Variants in RAB21 observed in about 807,000 individuals in gnomAD.
RAB21 encodes the protein RAB21, member RAS oncogene family.
RAB21 carries 13 observed loss-of-function variants against 33.1 expected under a neutral mutation model. The ratio of observed to expected loss-of-function variants is 0.39; its 90% CI spans 0.26 to 0.62. RAB21 has a LOEUF of 0.62. Ranked by LOEUF, RAB21 falls within the 20% of genes least tolerant of loss-of-function variation. The pLI, the probability that RAB21 is intolerant of heterozygous loss-of-function variation, is 0.48. For synonymous variants in RAB21, 91 were observed against 103.7 expected (o/e 0.88, Z 0.74); for missense variants, 234 against 279.1 (o/e 0.84, Z 1.15).
intron 3 of RAB21, 141 bp downstream of exon 3, chr12:71,770,840 C>A: frequency 1.7e-6 from 1 of 576,148 alleles, no homozygotes; most frequent in Non-Finnish European, 3.0e-6. Flanking sequence ...TGACCACTTA[C>A]ATTTTATTTT....
intron 4 of RAB21, among the ~76,000 whole-genome samples, chr12:71,777,604 A>G (rs1333686728): frequency 6.6e-6 from 1 of 152,246 alleles, no homozygotes; most frequent in Admixed American, 6.5e-5. Flanking sequence ...AATACTTGGC[A>G]TAGAGGTAAA....
chr12:71,756,128 T>A (rs1490605270), intron 1 of RAB21, among the ~76,000 whole-genome samples: 1 of 152,222 alleles, frequency 6.6e-6, no homozygotes, highest in African/African-American at 2.4e-5. Flanking sequence ...ATCCTACTAA[T>A]TTGACTTACC....
intron 4 of RAB21, chr12:71,774,322 A>G (rs1166069671): frequency 6.2e-6 from 1 of 160,790 alleles, no homozygotes. Flanking sequence ...AAAAAAAGCC[A>G]GACAGTGGTG....
intron 1 of RAB21, among the ~76,000 whole-genome samples, chr12:71,761,118 G>A (rs1177241101): frequency 1.3e-5 from 2 of 151,682 alleles, no homozygotes; most frequent in Non-Finnish European, 2.9e-5. Context: ...GAGGCTGGTG[G>A]ATCACTTGAG....
Position 71,770,807 on chromosome 12 carries a change from G to GTA in RAB21, c.327+113_327+114dup, listed in dbSNP as rs574182572. 1,048 of 755,908 alleles carry GTA rather than the reference G, an allele frequency of 1.4e-3. 12 individuals carry two copies. In the African/African-American group the frequency reaches 0.017, roughly 12 times the overall value. 46.8% of individuals were successfully genotyped at this position (755,908 alleles called of 1,614,324 possible). On this transcript the variant is annotated intron_variant, in intron 3 of 6. Transcript: ENST00000261263. ...GATTAGTTTTCTTTTTAAAAATAAA[G>GTA]TATATAATTTGTGCATAACTGGTGA...
At chr12:71,765,760 G>GT (rs1479505663) in intron 1 of RAB21, among the ~76,000 whole-genome samples, 2 of 152,082 alleles carry the variant, frequency 1.3e-5, no homozygotes, top group Non-Finnish European at 2.9e-5. Flanking sequence ...TCAGGTAAGT[G>GT]TAAGTATTTG....
Position 71,789,209 on chromosome 12 carries a change from A to G in RAB21, c.*3536A>G, listed in dbSNP as rs1262410848. On this transcript the variant is annotated 3_prime_UTR_variant, in exon 7 of 7. Coordinates refer to ENST00000261263, the MANE Select transcript of RAB21 (RefSeq NM_014999.4). ...AGTTTTTTAAATCACTTTGAAAAGT[A>G]CATTACTTTTATCAAAGAGTTTCTA... The G allele has an allele frequency of 6.6e-6, 1 of 152,128 alleles. No individual in the cohort carries two copies. The highest frequency in any genetic ancestry group is 2.1e-4 in the South Asian group (1 of 4,838). 9.4% of individuals were successfully genotyped at this position (152,128 alleles called of 1,614,324 possible).
rs2137665338 is a variant in RAB21 at position 71,791,645 on chromosome 12, A to G, written c.*5972A>G. On this transcript the variant is annotated 3_prime_UTR_variant, in exon 7 of 7. Transcript: ENST00000261263. ...TTGATCTGTGCCTTTAATATAGAGT[A>G]AAAACAAAAGTTCCTTTTTAGATCT... 1 of 152,342 alleles carries G rather than the reference A, an allele frequency of 6.6e-6. No homozygotes were observed. Among genetic ancestry groups the G allele is most frequent in the Non-Finnish European group, 1.5e-5 (1 of 68,030 alleles). The allele number at this position is 152,342 out of a possible 1,614,324, so 9.4% of individuals were successfully genotyped here.
At chr12:71,768,071 A>G (rs149784863) in intron 1 of RAB21, among the ~76,000 whole-genome samples, 296 of 152,252 alleles carry the variant, frequency 1.9e-3, no homozygotes, top group African/African-American at 6.8e-3. Flanking sequence ...TTTTCAGGTT[A>G]CTTTGCTGTT....
chr12:71,794,408 TA>T lies in RAB21; in HGVS notation c.*8736del, dbSNP rs1565901166. 6 of 33,224 alleles carry T rather than the reference TA, an allele frequency of 1.8e-4. No individual in the cohort carries two copies. Among genetic ancestry groups the T allele is most frequent in the Admixed American group, 4.2e-4 (1 of 2,362 alleles). The allele number at this position is 33,224 out of a possible 1,614,324, so 2.1% of individuals were successfully genotyped here. ...ACAAAACAAAACCATATATATATTA[TA>T]TATATATATATATATATATTTTTTT... On this transcript the variant is annotated 3_prime_UTR_variant, in exon 7 of 7. Transcript: ENST00000261263.
Position 71,780,429 on chromosome 12 carries a change from A to T in RAB21, c.392-1602A>T, listed in dbSNP as rs78588518. 4.9e-3 allele frequency among the ~76,000 whole-genome samples: 744 copies of T among 152,288 alleles called. 7 individuals are homozygous for T. Among genetic ancestry groups the T allele is most frequent in the African/African-American group, 0.017 (709 of 41,564 alleles). ...CCAGGTGGTGCTTTTTGCATTCTTT[A>T]CAGAATAACACGACGGTTTTTCCTC... On this transcript the variant is annotated intron_variant, in intron 4 of 6. Transcript: ENST00000261263.
chr12:71,768,350 T>A (rs537300588), intron 1 of RAB21, among the ~76,000 whole-genome samples: 22 of 152,306 alleles, frequency 1.4e-4, no homozygotes, highest in African/African-American at 4.8e-4. Context: ...TTCACCATCC[T>A]GACCTTTTAT....
chr12:71,774,861 G>T (rs1883097535), intron 4 of RAB21, among the ~76,000 whole-genome samples: 2 of 152,034 alleles, frequency 1.3e-5, no homozygotes, highest in South Asian at 4.1e-4. Flanking sequence ...AAACAGTTGG[G>T]GCTTCAAGTT....
chr12:71,766,940 CTT>C (rs564080860), intron 1 of RAB21, among the ~76,000 whole-genome samples: 32 of 152,264 alleles, frequency 2.1e-4, no homozygotes, highest in African/African-American at 7.2e-4. Flanking sequence ...GGCTTTGAGA[CTT>C]TTAATTGTAA....
intron 3 of RAB21, among the ~76,000 whole-genome samples, chr12:71,772,980 T>A (rs1883065984): frequency 6.6e-6 from 1 of 152,196 alleles, no homozygotes; most frequent in Non-Finnish European, 1.5e-5. Context: ...GCACAGTAAG[T>A]GGTTACCACA....
rs895547937 is a variant in RAB21 at position 71,795,406 on chromosome 12, A to G, written c.*9733A>G. 2.2e-5 allele frequency: 2 copies of G among 90,342 alleles called. No individual in the cohort carries two copies. The highest frequency in any genetic ancestry group is 1.2e-4 in the African/African-American group (2 of 17,332). The allele number at this position is 90,342 out of a possible 1,614,324, so 5.6% of individuals were successfully genotyped here. On this transcript the variant is annotated 3_prime_UTR_variant, in exon 7 of 7. Coordinates refer to ENST00000261263, the MANE Select transcript of RAB21 (RefSeq NM_014999.4). Reference sequence around the variant, plus strand: ...GAAATTTGGGAATGTCCCTAGCGTAATAATGCCTTCTACTGACATTTAAAG... The same window carrying G: ...GAAATTTGGGAATGTCCCTAGCGTAGTAATGCCTTCTACTGACATTTAAAG...
At position 71,790,714 on chromosome 12, in the gene RAB21, C is replaced by G. The variant is rs1002192317; in HGVS notation, c.*5041C>G. The G allele has an allele frequency of 3.3e-5, 5 of 152,018 alleles. No homozygotes were observed. Among genetic ancestry groups the G allele is most frequent in the Non-Finnish European group, 5.9e-5 (4 of 68,002 alleles). The allele number at this position is 152,018 out of a possible 1,614,324, so 9.4% of individuals were successfully genotyped here. A position where few individuals can be genotyped will look rare whatever the true frequency, so the allele number is the denominator to read the frequency against. On this transcript the variant is annotated 3_prime_UTR_variant, in exon 7 of 7. Transcript: ENST00000261263. ...ATCTATATGTTTACATATAGAAATA[C>G]ATAGTGTTGTGGGTTTTAAATTTTC...
chr12:71,760,922 T>G (rs1486765166), intron 1 of RAB21, among the ~76,000 whole-genome samples: 1 of 152,046 alleles, frequency 6.6e-6, no homozygotes, highest in Non-Finnish European at 1.5e-5. Context: ...AGACTTGGAT[T>G]TGGCTGGGTG....
chr12:71,791,859 C>A lies in RAB21; in HGVS notation c.*6186C>A, dbSNP rs1280634156. On this transcript the variant is annotated 3_prime_UTR_variant, in exon 7 of 7. Transcript: ENST00000261263. ...TTTACCAAGGCCAACTAGAATCATA[C>A]TTCTTTTTCTGGAAGTTTTTTTTGA... The A allele has an allele frequency of 6.6e-6, 1 of 152,160 alleles. No homozygotes were observed. The highest frequency in any genetic ancestry group is 1.5e-5 in the Non-Finnish European group (1 of 68,036). The allele number at this position is 152,160 out of a possible 1,614,324, so 9.4% of individuals were successfully genotyped here.
Sources: gnomAD v4.1 joint callset for allele counts (sites outside exome capture counted in the v4.1 genomes callset) on GRCh38, gnomAD v4.1.1 for gene constraint, MANE v1.5 for transcripts, NCBI Gene and HGNC (gene_info 2026-07-23, HGNC 2026-07-21) for gene names.